Variants in FAM149A observed in about 807,000 individuals in gnomAD.
The protein encoded by FAM149A is family with sequence similarity 149 member A.
A neutral mutation model predicts 78.2 loss-of-function variants in FAM149A; 71 were observed. The observed-to-expected ratio is 0.91, with a 90% CI of 0.75 to 1.11. The LOEUF (loss-of-function observed/expected upper bound fraction) is 1.11. Ranked by LOEUF, FAM149A falls within the 50% of genes least tolerant of loss-of-function variation. The pLI, the probability that FAM149A is intolerant of heterozygous loss-of-function variation, is 0.00. For missense variants in FAM149A, 1,036 were observed against 971.0 expected (o/e 1.07, Z -0.89); for synonymous variants, 446 against 410.5 (o/e 1.09, Z -1.04).
intron 6 of FAM149A, 62 bp from the exon 7 acceptor site, chr4:186,155,938 A>T: frequency 7.4e-7 from 1 of 1,355,192 alleles, no homozygotes; most frequent in Non-Finnish European, 1.0e-6. Flanking sequence ...ATGTGTGTAG[A>T]TAGAATTATT....
rs1735089087 is a variant in FAM149A, at chr4:186,166,969, A to G, written c.2012A>G (p.Tyr671Cys). ...AAGAACATACTATCCTTCATTTAGT[A>G]CAGAGGAAGGCATCTACAAAACCGT... Residue 671 changes from tyrosine to cysteine, a missense_variant and splice_region_variant, in exon 12 of 14, where the codon TAC becomes TGC. By Grantham distance (194) the Tyr-to-Cys change is radical. This residue lies in a region of FAM149A where 716 missense variants were observed against 711.8 expected (regional missense o/e 1.01). Coordinates refer to ENST00000389354, the MANE Select transcript of FAM149A (RefSeq NM_001367768.3). 6 of 1,613,354 alleles carry G rather than the reference A, an allele frequency of 3.7e-6. No individual in the cohort carries two copies. The highest frequency in any genetic ancestry group is 5.1e-6 in the Non-Finnish European group (6 of 1,179,520).
rs143649703 is a variant in FAM149A at position 186,173,223 on chromosome 4, A to T, written c.*1236A>T. On this transcript the variant is annotated 3_prime_UTR_variant, in exon 14 of 14. Transcript: ENST00000389354. ...AGAAGGGATCATTGCCTACTAGTAG[A>T]TGTCTGAAATTTTAAAAGATGTGTT... Among the ~76,000 whole-genome samples, 24 of 113,086 alleles carry T rather than the reference A, an allele frequency of 2.1e-4. 6 individuals are homozygous for T. The East Asian group carries it at 5.3e-3, about 25-fold the overall frequency. The allele number at this position is 113,086 out of a possible 152,430, so 74.2% of individuals were successfully genotyped here. A position where few individuals can be genotyped will look rare whatever the true frequency, so the allele number is the denominator to read the frequency against.
intron 6 of FAM149A, 65 bp downstream of exon 6, chr4:186,154,703 T>A: frequency 6.7e-7 from 1 of 1,497,216 alleles, no homozygotes; most frequent in South Asian, 1.4e-5. Flanking sequence ...CATTTATTGT[T>A]ATCGTATGCT....
At chr4:186,142,407 TGA>T (rs2099326213) in intron 1 of FAM149A, among the ~76,000 whole-genome samples, 1 of 152,230 alleles carries the variant, frequency 6.6e-6, no homozygotes, top group Admixed American at 6.5e-5. Context: ...TTGAAAGAGC[TGA>T]GTGTATCGTG....
At chr4:186,168,999 T>C (rs945090019) in intron 13 of FAM149A, among the ~76,000 whole-genome samples, 1 of 151,978 alleles carries the variant, frequency 6.6e-6, no homozygotes, top group African/African-American at 2.4e-5. Context: ...CGGCGGGTGG[T>C]GCTGAGCGAG....
intron 8 of FAM149A, chr4:186,158,549 A>G: frequency 1.1e-6 from 1 of 927,286 alleles, no homozygotes; most frequent in Non-Finnish European, 1.3e-6. Context: ...GCTGTGGCCA[A>G]GGGGGAGTTT....
intron 1 of FAM149A, among the ~76,000 whole-genome samples, chr4:186,133,557 T>C (rs2099321650): frequency 6.6e-6 from 1 of 152,236 alleles, no homozygotes; most frequent in Non-Finnish European, 1.5e-5. Flanking sequence ...TTTAAGACAA[T>C]ATTTAATTGT....
intron 13 of FAM149A, 50 bp downstream of exon 13, chr4:186,167,312 A>G (rs1376420710): frequency 6.7e-7 from 1 of 1,490,162 alleles, no homozygotes. Flanking sequence ...GTGAGATTTC[A>G]AGTTTCAGAC....
At chr4:186,139,367 T>G (rs1008086848) in intron 1 of FAM149A, among the ~76,000 whole-genome samples, 1 of 152,150 alleles carries the variant, frequency 6.6e-6, no homozygotes, top group Non-Finnish European at 1.5e-5. Context: ...GGTTGAAATC[T>G]CTCTCCAATG....
At chr4:186,161,269 G>A (rs1022420577) in intron 8 of FAM149A, among the ~76,000 whole-genome samples, 1 of 152,174 alleles carries the variant, frequency 6.6e-6, no homozygotes, top group African/African-American at 2.4e-5. Flanking sequence ...GAGAAAGGAA[G>A]GGAGGCTCTT....
chr4:186,160,151 C>T (rs1031627296), intron 8 of FAM149A, among the ~76,000 whole-genome samples: 7 of 143,932 alleles, frequency 4.9e-5, no homozygotes, highest in African/African-American at 1.8e-4. Context: ...CACATACACA[C>T]ACTACACGCA....
intron 1 of FAM149A, among the ~76,000 whole-genome samples, chr4:186,126,602 T>A (rs1241356368): frequency 6.6e-6 from 1 of 152,130 alleles, no homozygotes; most frequent in Non-Finnish European, 1.5e-5. Flanking sequence ...GTTTGGGTCT[T>A]TAGACTCCAG....
At position 186,172,075 on chromosome 4, in the gene FAM149A, C is replaced by A; in HGVS notation, c.*88C>A. ...ATGGAGGAACAAGTGTTATATTTAT[C>A]TGTGTGTCTGACAGTGTGAGATGTT... On this transcript the variant is annotated 3_prime_UTR_variant, in exon 14 of 14. Transcript: ENST00000389354. 1 of 1,546,192 alleles carries A rather than the reference C, an allele frequency of 6.5e-7. No homozygotes were observed. The highest frequency in any genetic ancestry group is 2.1e-5 in the Admixed American group (1 of 47,566).
At chr4:186,163,782 C>T (rs775358222) in intron 10 of FAM149A, 149 bp downstream of exon 10, 33 of 662,270 alleles carry the variant, frequency 5.0e-5, no homozygotes, top group Non-Finnish European at 6.9e-5. Context: ...TTTAACATTC[C>T]GCTTGCTCCA....
chr4:186,148,620 A>T (rs1024261146), intron 1 of FAM149A, among the ~76,000 whole-genome samples: 5 of 152,218 alleles, frequency 3.3e-5, no homozygotes, highest in Admixed American at 2.6e-4. Flanking sequence ...GTTCTTCATT[A>T]AATTTTAATA....
rs994522375 is a variant in FAM149A at position 186,123,070 on chromosome 4, G to C, written c.566+17428G>C. ...GTTACAAGGGAATAAGAAATGGTGG[G>C]GAAGAGAAGACGGAGGAGATACTTT... On this transcript the variant is annotated intron_variant, in intron 1 of 13. Transcript: ENST00000389354. The C allele has an allele frequency of 2.2e-5, 5 of 232,518 alleles. No individual in the cohort carries two copies. The East Asian group carries it at 9.0e-4, about 42-fold the overall frequency. The allele number at this position is 232,518 out of a possible 1,614,324, so 14.4% of individuals were successfully genotyped here. A position where few individuals can be genotyped will look rare whatever the true frequency, so the allele number is the denominator to read the frequency against.
At chr4:186,132,065 T>C in intron 1 of FAM149A, 1 of 985,452 alleles carries the variant, frequency 1.0e-6, no homozygotes, top group Non-Finnish European at 1.2e-6. Flanking sequence ...TAGCTCCATA[T>C]TAAAGCTTAG....
rs1205286975 is a variant in FAM149A at position 186,105,223 on chromosome 4, T to C, written c.147T>C (p.Gly49=). The change falls in exon 1 of 14, where the codon GGT becomes GGC. Residue 49 remains glycine (G), a synonymous_variant. Coordinates refer to ENST00000389354, the MANE Select transcript of FAM149A (RefSeq NM_001367768.3). ...GCTCCAGGGCGGGCACCCCGTTGGGTACCGCCCCGACCCTCCTCCGCGCCC... is the reference window on the plus strand; with the variant it reads ...GCTCCAGGGCGGGCACCCCGTTGGGCACCGCCCCGACCCTCCTCCGCGCCC... 2 of 1,262,004 alleles carry C rather than the reference T, an allele frequency of 1.6e-6. No homozygotes were observed. Among genetic ancestry groups the C allele is most frequent in the Non-Finnish European group, 2.0e-6 (2 of 977,384 alleles). 78.2% of individuals were successfully genotyped at this position (1,262,004 alleles called of 1,614,324 possible). A position where few individuals can be genotyped will look rare whatever the true frequency, so the allele number is the denominator to read the frequency against.
At chr4:186,158,894 A>G (rs1734289692) in intron 8 of FAM149A, 1 of 651,066 alleles carries the variant, frequency 1.5e-6, no homozygotes, top group South Asian at 6.5e-5. Flanking sequence ...AGGCCGATGG[A>G]AAATAAACAT....
Sources: allele counts gnomAD v4.1 joint callset (sites outside exome capture counted in the v4.1 genomes callset), GRCh38; gene constraint gnomAD v4.1.1; regional missense constraint gnomAD v4.1.1; transcripts MANE v1.5; gene names NCBI Gene and HGNC (gene_info 2026-07-23, HGNC 2026-07-21).